Variants in MROH9 observed in about 807,000 individuals in gnomAD.
MROH9 encodes the protein maestro heat-like repeat-containing protein family member 9.
In MROH9, 92 loss-of-function variants were observed where a neutral mutation model predicts 98.2. The observed-to-expected ratio is 0.94, with a 90% CI of 0.79 to 1.11. MROH9 has a LOEUF of 1.11. MROH9 is among the 50% of genes most tolerant of loss of function. The pLI is 0.00. For synonymous variants in MROH9, 397 were observed against 368.9 expected (o/e 1.08, Z -0.87); for missense variants, 1,057 against 1,014.8 (o/e 1.04, Z -0.57).
chr1:171,050,791 T>C (rs765466903), intron 20 of MROH9, among the ~76,000 whole-genome samples: 6 of 152,162 alleles, frequency 3.9e-5, no homozygotes, highest in Non-Finnish European at 7.4e-5. Context: ...CAGTAAAATA[T>C]TGGTTGTGGG....
chr1:170,972,114 A>G (rs1290635963), intron 8 of MROH9, among the ~76,000 whole-genome samples: 1 of 152,122 alleles, frequency 6.6e-6, no homozygotes, highest in African/African-American at 2.4e-5. Context: ...AGATTACTTG[A>G]GGGTTAATGG....
intron 1 of MROH9, among the ~76,000 whole-genome samples, chr1:170,938,831 T>G (rs1027176072): frequency 3.3e-5 from 5 of 152,242 alleles, no homozygotes; most frequent in Non-Finnish European, 7.3e-5. Context: ...CTGATCACTC[T>G]GGGCCACATC....
At chr1:170,997,872 G>A (rs111990725) in intron 14 of MROH9, among the ~76,000 whole-genome samples, 1,950 of 152,262 alleles carry the variant, frequency 0.013, 49 homozygotes, top group African/African-American at 0.045. Flanking sequence ...GTCAAGAATT[G>A]ATGGGGAGCT....
chr1:171,013,282 C>A (rs147852505), intron 15 of MROH9, among the ~76,000 whole-genome samples: 226 of 152,264 alleles, frequency 1.5e-3, no homozygotes, highest in African/African-American at 5.1e-3. Flanking sequence ...GGCTGCACAG[C>A]GGGAAGTGAG....
rs781345523 is a variant in MROH9 at position 170,959,535 on chromosome 1, A to G, written c.226A>G (p.Met76Val). The change falls in exon 5 of 22, where the codon ATG becomes GTG. Residue 76 changes from methionine to valine, a missense_variant. Transcript: ENST00000367759. ...GTCATCCTTTGGAATGCTAGTTGTC[A>G]TGCCAAGTCTTGACAAAGTAAAAGA... ...IESSFGMLVVMPSLDKVKEMG... is the reference protein window; with the variant it reads ...IESSFGMLVVVPSLDKVKEMG... The G allele has an allele frequency of 1.9e-6, 3 of 1,613,846 alleles. No homozygotes were observed. Among genetic ancestry groups the G allele is most frequent in the African/African-American group, 2.7e-5 (2 of 75,036 alleles).
At chr1:171,024,202 C>G (rs952164228) in intron 17 of MROH9, among the ~76,000 whole-genome samples, 193 bp from the exon 18 acceptor site, 1 of 151,434 alleles carries the variant, frequency 6.6e-6, no homozygotes, top group African/African-American at 2.4e-5. Context: ...TAAAAGATGC[C>G]CTAACTACTT....
intron 1 of MROH9, among the ~76,000 whole-genome samples, chr1:170,937,054 AAGG>A (rs1435932430): frequency 2.6e-5 from 4 of 152,242 alleles, no homozygotes; most frequent in African/African-American, 7.2e-5. Context: ...ATGCCTGGGA[AAGG>A]AGGAGAGATA....
At chr1:170,955,240 C>G (rs560008172) in intron 3 of MROH9, among the ~76,000 whole-genome samples, 1 of 152,160 alleles carries the variant, frequency 6.6e-6, no homozygotes, top group South Asian at 2.1e-4. Context: ...TGGGTTGGTT[C>G]CACGATTTTG....
intron 3 of MROH9, 32 bp from the exon 4 acceptor site, chr1:170,958,429 C>CT (rs374865486): frequency 0.082 from 80,185 of 983,548 alleles, 413 homozygotes; most frequent in Middle Eastern, 0.12. Flanking sequence ...ATTAATTCTT[C>CT]TTTTTTTTTT....
chr1:171,055,735 C>T (rs1191966701), intron 20 of MROH9, among the ~76,000 whole-genome samples: 3 of 151,296 alleles, frequency 2.0e-5, no homozygotes, highest in Non-Finnish European at 2.9e-5. Context: ...CAACTAGAAA[C>T]GGTGGCAGTC....
chr1:171,024,582 C>G, intron 18 of MROH9, 35 bp downstream of exon 18: 1 of 1,522,324 alleles, frequency 6.6e-7, no homozygotes, highest in Non-Finnish European at 8.8e-7. Flanking sequence ...ATAAATTTAC[C>G]AAGGATTGTA....
chr1:171,000,031 C>CT (rs1651735222), intron 15 of MROH9, among the ~76,000 whole-genome samples: 1 of 151,636 alleles, frequency 6.6e-6, no homozygotes, highest in Non-Finnish European at 1.5e-5. Context: ...GATGGGATTA[C>CT]TTGTTTTTTT....
intron 17 of MROH9, among the ~76,000 whole-genome samples, chr1:171,023,643 T>G (rs1652587958): frequency 6.6e-6 from 1 of 152,158 alleles, no homozygotes; most frequent in East Asian, 1.9e-4. Context: ...TCAATTAAAA[T>G]TATATATATT....
chr1:171,054,826 T>C (rs1260945956), intron 20 of MROH9, among the ~76,000 whole-genome samples: 2 of 152,126 alleles, frequency 1.3e-5, no homozygotes, highest in South Asian at 2.1e-4. Context: ...CCTGCAAGAA[T>C]GGCCATAATT....
chr1:171,016,476 G>A, intron 17 of MROH9, 140 bp downstream of exon 17: 1 of 585,306 alleles, frequency 1.7e-6, no homozygotes, highest in Non-Finnish European at 2.6e-6. Flanking sequence ...AAAAATATTA[G>A]GTAAGTACTG....
At chr1:171,003,113 A>C (rs1359011165) in intron 15 of MROH9, among the ~76,000 whole-genome samples, 1 of 151,946 alleles carries the variant, frequency 6.6e-6, no homozygotes, top group Admixed American at 6.6e-5. Context: ...TCTTTAAGCT[A>C]TCTATTTCCT....
At chr1:170,955,635 C>T (rs3980697) in intron 3 of MROH9, among the ~76,000 whole-genome samples, 35,886 of 151,888 alleles carry the variant, frequency 0.24, 4,938 homozygotes, top group African/African-American at 0.38. Context: ...GAATTGTCTA[C>T]TCATGTCTTG....
At chr1:171,020,092 A>G (rs1335162765) in intron 17 of MROH9, among the ~76,000 whole-genome samples, 1 of 152,220 alleles carries the variant, frequency 6.6e-6, no homozygotes, top group African/African-American at 2.4e-5. Context: ...TGAATAGACG[A>G]ATAACAAGTT....
At chr1:171,013,674 C>G (rs1035757302) in intron 15 of MROH9, among the ~76,000 whole-genome samples, 13 of 152,148 alleles carry the variant, frequency 8.5e-5, no homozygotes, top group African/African-American at 3.1e-4. Context: ...GGAAGCTCCA[C>G]AGGGTTGTGG....
Sources: allele counts gnomAD v4.1 joint callset (sites outside exome capture counted in the v4.1 genomes callset), GRCh38; gene constraint gnomAD v4.1.1; transcripts MANE v1.5; gene names NCBI Gene and HGNC (gene_info 2026-07-23, HGNC 2026-07-21).